The following CEP128 variants were observed in gnomAD, a reference collection of about 807,000 sequenced individuals.
CEP128 encodes centrosomal protein 128, also known as centrosomal protein 128kDa.
CEP128 carries 132 observed loss-of-function variants against 156.7 expected under a neutral mutation model. The ratio of observed to expected loss-of-function variants is 0.84; its 90% confidence interval spans 0.73 to 0.97. The LOEUF (loss-of-function observed/expected upper bound fraction) is 0.97. Among genes scored for constraint, CEP128 ranks in the 50% least tolerant of loss-of-function variants. The pLI is 0.00. For synonymous variants in CEP128, 469 were observed against 448.9 expected (o/e 1.04, Z -0.57); for missense variants, 1,252 against 1,281.9 (o/e 0.98, Z 0.36).
rs903038622 is a variant in CEP128, at chr14:80,595,934, G to C, written c.2807-15511C>G. Among the ~76,000 whole-genome samples the C allele has an allele frequency of 5.9e-5, 9 of 151,544 alleles. No individual in the cohort carries two copies. The South Asian group carries it at 6.2e-4, about 10-fold the overall frequency. On this transcript the variant is annotated intron_variant, in intron 19 of 24. Transcript: ENST00000555265. ...ACTATCACCAGAACAGCATGGGAAA[G>C]ACCTGCCCCCATGATTTAATTATCT...
intron 18 of CEP128, among the ~76,000 whole-genome samples, chr14:80,755,845 G>A (rs189041516): frequency 1.3e-5 from 2 of 152,210 alleles, no homozygotes; most frequent in East Asian, 1.9e-4. Flanking sequence ...ATCACAACCC[G>A]TTTACACTGT....
At chr14:80,620,050 G>A (rs959490670) in intron 19 of CEP128, among the ~76,000 whole-genome samples, 6 of 151,900 alleles carry the variant, frequency 3.9e-5, no homozygotes, top group African/African-American at 4.8e-5. Context: ...ACTTGAACTC[G>A]GGAGGCGGAG....
chr14:80,845,389 T>C (rs190165385), intron 9 of CEP128, among the ~76,000 whole-genome samples: 5 of 152,256 alleles, frequency 3.3e-5, no homozygotes, highest in Admixed American at 3.3e-4. Flanking sequence ...AAGTGCACTT[T>C]CCAGGATTTC....
At chr14:80,934,715 T>C (rs10132871) in intron 2 of CEP128, among the ~76,000 whole-genome samples, 39,224 of 152,064 alleles carry the variant, frequency 0.26, 6,103 homozygotes, top group East Asian at 0.47. Flanking sequence ...AGTAGTTAAG[T>C]AGCTAGAAAA....
At chr14:80,510,354 T>C (rs1888188674) in intron 23 of CEP128, among the ~76,000 whole-genome samples, 2 of 152,122 alleles carry the variant, frequency 1.3e-5, no homozygotes, top group Admixed American at 1.3e-4. Context: ...GTTATGTCTA[T>C]TCCTAGGTAT....
chr14:80,948,365 A>T (rs556023058), intron 2 of CEP128, among the ~76,000 whole-genome samples: 35 of 152,356 alleles, frequency 2.3e-4, no homozygotes, highest in Non-Finnish European at 4.4e-4. Flanking sequence ...TTTCAGCCAC[A>T]CACTTACTAA....
At chr14:80,563,929 C>T (rs1404016361) in intron 20 of CEP128, among the ~76,000 whole-genome samples, 1 of 152,138 alleles carries the variant, frequency 6.6e-6, no homozygotes, top group Admixed American at 6.5e-5. Context: ...TTTATTTCCT[C>T]TTTATGAAAC....
chr14:80,739,692 T>G (rs985424906), intron 19 of CEP128, among the ~76,000 whole-genome samples: 2 of 152,188 alleles, frequency 1.3e-5, no homozygotes, highest in Admixed American at 6.6e-5. Flanking sequence ...ACTAGAGAGT[T>G]AAATCATAGT....
chr14:80,673,295 A>C (rs571521260), intron 19 of CEP128, among the ~76,000 whole-genome samples: 4 of 152,282 alleles, frequency 2.6e-5, no homozygotes, highest in African/African-American at 9.6e-5. Context: ...ATATATTATC[A>C]TTTCTTGCCT....
intron 19 of CEP128, among the ~76,000 whole-genome samples, chr14:80,650,540 T>C (rs1040278150): frequency 3.9e-5 from 6 of 152,206 alleles, no homozygotes; most frequent in Non-Finnish European, 8.8e-5. Flanking sequence ...TTCAGTACGA[T>C]ATTGGCTGCG....
intron 2 of CEP128, among the ~76,000 whole-genome samples, chr14:80,951,809 A>G (rs146526652): frequency 6.6e-6 from 1 of 152,226 alleles, no homozygotes; most frequent in African/African-American, 2.4e-5. Flanking sequence ...TGAAAAAATC[A>G]TACCATGATA....
intron 19 of CEP128, among the ~76,000 whole-genome samples, chr14:80,632,022 C>CT (rs1249679421): frequency 6.6e-6 from 1 of 152,030 alleles, no homozygotes; most frequent in African/African-American, 2.4e-5. Context: ...ATGTGTTATT[C>CT]AGCTCTTCTG....
chr14:80,528,249 C>T (rs1566759072), intron 22 of CEP128, among the ~76,000 whole-genome samples: 1 of 152,290 alleles, frequency 6.6e-6, no homozygotes, highest in East Asian at 1.9e-4. Context: ...TCTACCTAAT[C>T]AAAAATGTAA....
chr14:80,904,669 G>T lies in CEP128; in HGVS notation c.480+144C>A, dbSNP rs1595570423. On this transcript the variant is annotated intron_variant, in intron 6 of 24. Coordinates refer to ENST00000555265, the MANE Select transcript of CEP128 (RefSeq NM_152446.5). ...ATAAAAAGTAAAAGTCGTTTACTTG[G>T]TTCCAAAAAAAGGGATCAGTATAAA... The T allele has an allele frequency of 2.1e-5, 12 of 575,272 alleles. No individual in the cohort carries two copies. In the East Asian group the frequency reaches 3.0e-4, roughly 14 times the overall value. The allele number at this position is 575,272 out of a possible 1,614,324, so 35.6% of individuals were successfully genotyped here.
At chr14:80,637,208 G>A (rs1894222335) in intron 19 of CEP128, among the ~76,000 whole-genome samples, 1 of 152,240 alleles carries the variant, frequency 6.6e-6, no homozygotes, top group African/African-American at 2.4e-5. Flanking sequence ...TTCTACCCAT[G>A]GTAAGCAGAA....
At chr14:80,802,286 C>G (rs532151685) in intron 13 of CEP128, among the ~76,000 whole-genome samples, 30 of 152,102 alleles carry the variant, frequency 2.0e-4, no homozygotes, top group African/African-American at 7.2e-4. Context: ...TGGAATCAAC[C>G]CAAATTCCCA....
intron 9 of CEP128, among the ~76,000 whole-genome samples, chr14:80,852,728 A>G (rs1886955983): frequency 6.6e-6 from 1 of 151,934 alleles, no homozygotes; most frequent in African/African-American, 2.4e-5. Flanking sequence ...AAGTTTCAAC[A>G]GACATTCAAG....
At chr14:80,918,295 C>G (rs529603675) in intron 2 of CEP128, among the ~76,000 whole-genome samples, 1 of 152,318 alleles carries the variant, frequency 6.6e-6, no homozygotes, top group Non-Finnish European at 1.5e-5. Flanking sequence ...TTGTATGCAT[C>G]TCATAAATCT....
intron 19 of CEP128, among the ~76,000 whole-genome samples, chr14:80,630,153 G>C (rs1416517920): frequency 6.6e-6 from 1 of 151,786 alleles, no homozygotes; most frequent in African/African-American, 2.4e-5. Flanking sequence ...TATACTAGTG[G>C]TTTAAAAGTA....
Sources: gnomAD v4.1 joint callset for allele counts (sites outside exome capture counted in the v4.1 genomes callset) on GRCh38, gnomAD v4.1.1 for gene constraint, MANE v1.5 for transcripts, NCBI Gene and HGNC (gene_info 2026-07-23, HGNC 2026-07-21) for gene names.